DNAJC5B: variants seen among roughly 807,000 people sequenced by gnomAD.
DNAJC5B encodes the protein DnaJ heat shock protein family (Hsp40) member C5 beta.
DNAJC5B carries 23 observed loss-of-function variants against 24.7 expected under a neutral mutation model. That is an observed-to-expected ratio of 0.93 (90% CI 0.67 to 1.32). The LOEUF (loss-of-function observed/expected upper bound fraction) is 1.32. DNAJC5B is among the 40% of genes most tolerant of loss of function. The pLI is 0.00. For synonymous variants in DNAJC5B, 101 were observed against 90.1 expected, an observed-to-expected ratio of 1.12 and a Z score of -0.68; for missense variants, 238 against 240.8, an observed-to-expected ratio of 0.99 and a Z score of 0.08.
intron 3 of DNAJC5B, among the ~76,000 whole-genome samples, chr8:66,053,039 C>T (rs1806885457): frequency 6.6e-6 from 1 of 152,158 alleles, no homozygotes; most frequent in African/African-American, 2.4e-5. Context: ...CTTCAGCCTC[C>T]TGAGTAGCTA....
At chr8:66,036,666 T>C (rs998501670) in intron 1 of DNAJC5B, among the ~76,000 whole-genome samples, 2 of 152,230 alleles carry the variant, frequency 1.3e-5, no homozygotes, top group African/African-American at 4.8e-5. Flanking sequence ...AGTTTCTTTC[T>C]TTATGAACAC....
At chr8:66,093,977 T>C (rs1237996012) in intron 5 of DNAJC5B, among the ~76,000 whole-genome samples, 2 of 152,200 alleles carry the variant, frequency 1.3e-5, no homozygotes, top group Admixed American at 1.3e-4. Flanking sequence ...TTTCTAATTT[T>C]GGTTTTGATA....
At position 66,100,707 on chromosome 8, in the gene DNAJC5B, T is replaced by C. The variant is rs1185884204; in HGVS notation, c.*676T>C. ...ATGTTGTAAGTGAACCAGAAAATCA[T>C]TCTGAGCCTGAACCCGCCCCATCAG... On this transcript the variant is annotated 3_prime_UTR_variant, in exon 6 of 6. Transcript: ENST00000276570. Among the ~76,000 whole-genome samples, 5 of 152,206 alleles carry C rather than the reference T, an allele frequency of 3.3e-5. No individual in the cohort carries two copies. The highest frequency in any genetic ancestry group is 3.3e-4 in the Admixed American group (5 of 15,272).
At chr8:66,070,670 T>C (rs1380602017) in intron 3 of DNAJC5B, among the ~76,000 whole-genome samples, 1 of 152,220 alleles carries the variant, frequency 6.6e-6, no homozygotes, top group African/African-American at 2.4e-5. Flanking sequence ...AAGCTACCAC[T>C]GACTTTCTTC....
At chr8:66,080,129 T>C (rs556364959) in intron 4 of DNAJC5B, among the ~76,000 whole-genome samples, 4 of 152,306 alleles carry the variant, frequency 2.6e-5, no homozygotes, top group Admixed American at 1.3e-4. Context: ...GGCCATACTT[T>C]ATTACTTTGG....
At chr8:66,033,770 C>CTTTT (rs765814272) in intron 1 of DNAJC5B, among the ~76,000 whole-genome samples, 24 of 105,346 alleles carry the variant, frequency 2.3e-4, no homozygotes, top group Non-Finnish European at 2.8e-4. Context: ...GATCATTCCG[C>CTTTT]TTTTTTTTTT....
intron 3 of DNAJC5B, among the ~76,000 whole-genome samples, chr8:66,052,015 AGTGCAGT>A (rs1806858595): frequency 1.3e-5 from 2 of 151,558 alleles, no homozygotes; most frequent in Non-Finnish European, 2.9e-5. Context: ...TCCAGGCTGG[AGTGCAGT>A]GGTGCAATCT....
At chr8:66,073,376 G>T (rs190162496) in intron 3 of DNAJC5B, among the ~76,000 whole-genome samples, 2 of 152,138 alleles carry the variant, frequency 1.3e-5, no homozygotes, top group South Asian at 2.1e-4. Context: ...TCGTTAAAAA[G>T]ATTGAAATAG....
At position 66,076,838 on chromosome 8, in the gene DNAJC5B, A is replaced by G. The variant is rs2128963868; in HGVS notation, c.298A>G (p.Asn100Asp). Residue 100 changes from asparagine to aspartate, a missense_variant, in exon 4 of 6, where the codon AAC becomes GAC. By Grantham distance (23) the Asn-to-Asp change is conservative. Transcript: ENST00000276570. ...VAEQFGDENV[N>D]TYFMLSSWWA... The stretch of plus-strand genomic sequence containing the variant: ...CGAGCAGTTTGGAGACGAAAACGTT[A>G]ACACCTACTTCATGCTGTCGAGCTG... 1.2e-6 allele frequency: 2 copies of G among 1,614,142 alleles called. No homozygotes were observed. The highest frequency in any genetic ancestry group is 2.2e-5 in the South Asian group (2 of 91,080).
chr8:66,074,841 C>A lies in DNAJC5B; in HGVS notation c.120-1819C>A, dbSNP rs370039405. Among the ~76,000 whole-genome samples, 10 of 152,230 alleles carry A rather than the reference C, an allele frequency of 6.6e-5. No individual in the cohort carries two copies. The East Asian group carries it at 1.9e-3, about 29-fold the overall frequency. On this transcript the variant is annotated intron_variant, in intron 3 of 5. Coordinates refer to ENST00000276570, the MANE Select transcript of DNAJC5B (RefSeq NM_033105.6). ...ATTCCTCAGAGCCAAGAGTATCTGC[C>A]AAGAGGAATCAAAATGTTGCTGATG...
intron 3 of DNAJC5B, among the ~76,000 whole-genome samples, chr8:66,074,004 C>A (rs538836366): frequency 2.0e-5 from 3 of 152,166 alleles, no homozygotes; most frequent in Non-Finnish European, 2.9e-5. Flanking sequence ...AAGAAAGCCC[C>A]AGAATGGGAG....
intron 1 of DNAJC5B, among the ~76,000 whole-genome samples, chr8:66,039,269 C>A (rs1210183752): frequency 1.3e-5 from 2 of 152,026 alleles, no homozygotes; most frequent in East Asian, 3.9e-4. Context: ...GGCTGGTTAC[C>A]TTGGGCAATT....
chr8:66,070,717 A>G (rs564660850), intron 3 of DNAJC5B, among the ~76,000 whole-genome samples: 1 of 152,276 alleles, frequency 6.6e-6, no homozygotes, highest in South Asian at 2.1e-4. Flanking sequence ...CTTCATATGG[A>G]ACCAAAAAAG....
chr8:66,034,780 A>T (rs1347044314), intron 1 of DNAJC5B, among the ~76,000 whole-genome samples: 1 of 152,090 alleles, frequency 6.6e-6, no homozygotes, highest in Non-Finnish European at 1.5e-5. Context: ...AGTGGTCAGG[A>T]CATCAGAGGT....
chr8:66,074,727 A>T (rs1304318843), intron 3 of DNAJC5B, among the ~76,000 whole-genome samples: 1 of 152,250 alleles, frequency 6.6e-6, no homozygotes, highest in Non-Finnish European at 1.5e-5. Flanking sequence ...CTCTATGGAC[A>T]ACATGCAAGA....
chr8:66,043,139 T>C (rs1806650395), intron 1 of DNAJC5B, among the ~76,000 whole-genome samples: 1 of 152,188 alleles, frequency 6.6e-6, no homozygotes, highest in Non-Finnish European at 1.5e-5. Flanking sequence ...TATGCAGATT[T>C]GAAAATATTG....
At chr8:66,099,405 T>G (rs532032920) in intron 5 of DNAJC5B, among the ~76,000 whole-genome samples, 2 of 152,342 alleles carry the variant, frequency 1.3e-5, no homozygotes, top group Admixed American at 1.3e-4. Context: ...ATAACCATTT[T>G]GGGCACTAGC....
chr8:66,019,172 G>A (rs1586050333), upstream of DNAJC5B, among the ~76,000 whole-genome samples: 1 of 152,218 alleles, frequency 6.6e-6, no homozygotes, highest in Non-Finnish European at 1.5e-5. Flanking sequence ...GCCCTGAGAT[G>A]ATAGCTGGAG....
intron 3 of DNAJC5B, among the ~76,000 whole-genome samples, chr8:66,055,666 C>T (rs1230552094): frequency 5.3e-5 from 8 of 152,130 alleles, no homozygotes; most frequent in African/African-American, 9.7e-5. Context: ...AGACCAGGCA[C>T]GGTGGCTCAC....
Sources: allele counts gnomAD v4.1 joint callset (sites outside exome capture counted in the v4.1 genomes callset), GRCh38; gene constraint gnomAD v4.1.1; transcripts MANE v1.5; gene names NCBI Gene and HGNC (gene_info 2026-07-23, HGNC 2026-07-21).